Variants in TG observed in about 807,000 individuals in gnomAD.
TG encodes thyroglobulin, also known as thyroid hormones.
Under a neutral mutation model 324.7 loss-of-function variants are expected in TG, and 270 were observed. The observed-to-expected ratio is 0.83, with a 90% confidence interval of 0.75 to 0.92. The LOEUF is 0.92. Ranked by LOEUF, TG falls within the 40% of genes least tolerant of loss-of-function variation. TG has a pLI of 0.00. For synonymous variants in TG, 1,401 were observed against 1,327.0 expected (o/e 1.06, Z -1.21); for missense variants, 3,591 against 3,456.4 (o/e 1.04, Z -0.98).
At chr8:133,021,503 G>A (rs1221244430) in intron 39 of TG, among the ~76,000 whole-genome samples, 1 of 152,176 alleles carries the variant, frequency 6.6e-6, no homozygotes, top group Non-Finnish European at 1.5e-5. Context: ...TCTATGAATG[G>A]GGTTTAATAG....
chr8:132,910,079 A>G (rs1483527437), intron 18 of TG, among the ~76,000 whole-genome samples: 1 of 152,242 alleles, frequency 6.6e-6, no homozygotes, highest in African/African-American at 2.4e-5. Context: ...CTTGGCACAC[A>G]GTAGGATCTC....
intron 35 of TG, chr8:133,002,173 G>A (rs889636786): frequency 6.1e-6 from 6 of 985,280 alleles, no homozygotes; most frequent in South Asian, 4.7e-5. Context: ...GGCACTTTCC[G>A]CCTGTTTTTC....
chr8:133,070,427 G>T (rs1446380732), intron 41 of TG, among the ~76,000 whole-genome samples: 1 of 152,208 alleles, frequency 6.6e-6, no homozygotes, highest in African/African-American at 2.4e-5. Context: ...TATGCGGAGG[G>T]CCTAAAGGAG....
At chr8:132,961,745 A>C (rs536625864) in intron 28 of TG, among the ~76,000 whole-genome samples, 1 of 143,698 alleles carries the variant, frequency 7.0e-6, no homozygotes, top group South Asian at 2.4e-4. Flanking sequence ...TCATGGCCAT[A>C]TGTGCTGGGT....
chr8:132,932,126 G>C (rs533102038), intron 23 of TG, among the ~76,000 whole-genome samples: 1 of 151,432 alleles, frequency 6.6e-6, no homozygotes, highest in African/African-American at 2.4e-5. Flanking sequence ...TATTTTTTTG[G>C]GGGGGGTGTT....
At chr8:132,984,382 A>C (rs994660624) in intron 35 of TG, among the ~76,000 whole-genome samples, 23 of 152,248 alleles carry the variant, frequency 1.5e-4, no homozygotes, top group African/African-American at 5.1e-4. Context: ...CACATTATAT[A>C]TAAAGTTGTT....
At chr8:132,949,935 A>G (rs1587537454) in intron 27 of TG, among the ~76,000 whole-genome samples, 1 of 152,150 alleles carries the variant, frequency 6.6e-6, no homozygotes, top group Non-Finnish European at 1.5e-5. Context: ...CTGGCCAACC[A>G]TGTACCACTG....
chr8:132,980,578 T>C (rs1234158142), intron 34 of TG, among the ~76,000 whole-genome samples: 1 of 152,162 alleles, frequency 6.6e-6, no homozygotes, highest in African/African-American at 2.4e-5. Flanking sequence ...TAGCAAATTA[T>C]TGATCCCAAG....
rs1186316718 is a variant in TG, at chr8:132,948,933, G to A, written c.5391G>A (p.Glu1797=). The change falls in exon 27 of 48, where the codon GAG becomes GAA. Residue 1797 remains glutamate (E), a synonymous_variant. Coordinates refer to ENST00000220616, the MANE Select transcript of TG (RefSeq NM_003235.5). The part of the protein sequence containing the change: ...HQVILRLGDQ[E]FIKSLTPLEG... ...TGATATTGCGTCTTGGAGACCAGGA[G>A]TTCATCAAGAGTAAGTCTTTGCCAT... 2 of 1,613,402 alleles carry A rather than the reference G, an allele frequency of 1.2e-6. No homozygotes were observed. Among genetic ancestry groups the A allele is most frequent in the South Asian group, 1.1e-5 (1 of 91,088 alleles).
intron 45 of TG, among the ~76,000 whole-genome samples, chr8:133,119,295 T>A (rs916739366): frequency 3.9e-5 from 6 of 152,192 alleles, no homozygotes; most frequent in African/African-American, 7.2e-5. Flanking sequence ...CACAAAAAAA[T>A]GTCCAGAATC....
chr8:133,032,879 G>A (rs1193497390), intron 41 of TG, among the ~76,000 whole-genome samples: 4 of 152,184 alleles, frequency 2.6e-5, no homozygotes, highest in South Asian at 2.1e-4. Flanking sequence ...GCACTGATTG[G>A]CATGGGGACT....
intron 35 of TG, among the ~76,000 whole-genome samples, chr8:133,008,227 A>G (rs1462629776): frequency 6.6e-6 from 1 of 152,242 alleles, no homozygotes; most frequent in African/African-American, 2.4e-5. Context: ...TTTATCCAAA[A>G]GAATGAATAG....
intron 5 of TG, among the ~76,000 whole-genome samples, chr8:132,877,189 G>T (rs913990419): frequency 6.6e-6 from 1 of 152,022 alleles, no homozygotes; most frequent in Non-Finnish European, 1.5e-5. Context: ...ACCCAGGCTG[G>T]ATTGTAGTGA....
intron 23 of TG, among the ~76,000 whole-genome samples, chr8:132,930,992 T>G (rs1822631955): frequency 6.6e-6 from 1 of 152,178 alleles, no homozygotes; most frequent in Non-Finnish European, 1.5e-5. Context: ...CAGCACTGTG[T>G]TAGTCTGTTT....
intron 40 of TG, among the ~76,000 whole-genome samples, chr8:133,023,309 A>AT (rs33939013): frequency 3.9e-5 from 6 of 151,936 alleles, no homozygotes; most frequent in Non-Finnish European, 7.4e-5. Flanking sequence ...CAGATTTCAG[A>AT]TTTTTTTTGA....
intron 5 of TG, among the ~76,000 whole-genome samples, chr8:132,879,394 A>G (rs952653370): frequency 3.3e-5 from 5 of 152,246 alleles, no homozygotes; most frequent in Non-Finnish European, 5.9e-5. Flanking sequence ...TGACCCAGTC[A>G]CATCACCATG....
At chr8:132,939,065 AAAAGC>A (rs1388373335) in intron 25 of TG, among the ~76,000 whole-genome samples, 2 of 151,352 alleles carry the variant, frequency 1.3e-5, no homozygotes, top group African/African-American at 4.9e-5. Context: ...AAAAAAAAAA[AAAAGC>A]AGCCCACCAT....
chr8:132,915,633 C>A (rs892711707), intron 20 of TG, among the ~76,000 whole-genome samples: 1 of 152,104 alleles, frequency 6.6e-6, no homozygotes, highest in Non-Finnish European at 1.5e-5. Context: ...GGCCAGATGG[C>A]GATGTTTTAG....
At chr8:132,872,295 G>A (rs1025463436) in intron 4 of TG, among the ~76,000 whole-genome samples, 3 of 151,478 alleles carry the variant, frequency 2.0e-5, no homozygotes, top group Non-Finnish European at 4.4e-5. Flanking sequence ...CGGCTAACAC[G>A]GTGAAACCCC....
Sources: gnomAD v4.1 joint callset for allele counts (sites outside exome capture counted in the v4.1 genomes callset) on GRCh38, gnomAD v4.1.1 for gene constraint, MANE v1.5 for transcripts, NCBI Gene and HGNC (gene_info 2026-07-23, HGNC 2026-07-21) for gene names.